SYT7: variants seen among roughly 807,000 people sequenced by gnomAD.
SYT7 encodes synaptotagmin 7.
Under a neutral mutation model 75.1 loss-of-function variants are expected in SYT7, and 29 were observed. That is an observed-to-expected ratio of 0.39 (90% confidence interval 0.29 to 0.53). The LOEUF (loss-of-function observed/expected upper bound fraction) is 0.53, where lower values mean the gene tolerates loss of function less well. Ranked by LOEUF, SYT7 falls within the 20% of genes least tolerant of loss-of-function variation. SYT7 has a pLI of 0.77. For synonymous variants in SYT7, 376 were observed against 401.7 expected (o/e 0.94, Z 0.76); for missense variants, 693 against 953.2 (o/e 0.73, Z 3.59).
At chr11:61,522,979 C>G (rs2062392726) in intron 12 of SYT7, 96 bp downstream of exon 12, 5 of 1,264,790 alleles carry the variant, frequency 4.0e-6, no homozygotes, top group Non-Finnish European at 5.7e-6. Flanking sequence ...CTCCTGGTGT[C>G]CAGCCTGTGC....
rs375289876 is a variant in SYT7, at chr11:61,533,030, C to T, written c.1159G>A (p.Val387Ile). Residue 387 changes from valine to isoleucine, a missense_variant, in exon 8 of 13, where the codon GTC (valine) becomes ATC (isoleucine). Physicochemically the swap from Val to Ile is conservative, Grantham distance 29. Around this residue, in one of 2 missense-constraint regions of SYT7, gnomAD observed 487 missense variants for 593.2 expected, o/e 0.82. Transcript: ENST00000539008. ...GTGAGGGAGTTGACGAGGTCTGAGA[C>T]GGAGGAACGTGGCTCGGTCCGGCGG... ...SDRRTEPRSS[V>I]SDLVNSLTSE... 13 of 1,613,724 alleles carry T rather than the reference C, an allele frequency of 8.1e-6. No individual in the cohort carries two copies. Among genetic ancestry groups the T allele is most frequent in the Admixed American group, 1.7e-5 (1 of 60,016 alleles).
In SYT7 at chr11:61,580,363, G is replaced by T. The variant is rs1176212253; in HGVS notation, c.31+427C>A. 6.6e-6 allele frequency among the ~76,000 whole-genome samples: 1 copy of T among 152,054 alleles called. No individual in the cohort carries two copies. Among genetic ancestry groups the T allele is most frequent in the African/African-American group, 2.4e-5 (1 of 41,416 alleles). ...GATGCCACTCCGCTCCCCTGTGCCC[G>T]CAACCTTGGCCAAGAGCTGCCGGGA... On this transcript the variant is annotated intron_variant, in intron 1 of 12. Coordinates refer to ENST00000539008, the MANE Select transcript of SYT7 (RefSeq NM_001365809.2). The surrounding 1 kb of genome is among the most constrained non-coding windows in gnomAD (Gnocchi z 6.1).
At position 61,542,500 on chromosome 11, in the gene SYT7, G is replaced by GT. The variant is rs2063073340; in HGVS notation, c.651dup (p.Pro218ThrfsTer115). ...CTCTGCTGCCGCATCAGGGTGCGGG[G>GT]TCGCTGGCATTTCGGCTCTCCCGTG... On this transcript the variant is annotated frameshift_variant, in exon 6 of 13. Coordinates refer to ENST00000539008, the MANE Select transcript of SYT7 (RefSeq NM_001365809.2). LOFTEE classifies it high-confidence loss of function. The surrounding 1 kb of genome is among the most constrained non-coding windows in gnomAD (Gnocchi z 7.8). 1 of 1,532,474 alleles carries GT rather than the reference G, an allele frequency of 6.5e-7. No individual in the cohort carries two copies. The allele number at this position is 1,532,474 out of a possible 1,614,324, so 94.9% of individuals were successfully genotyped here. A position where few individuals can be genotyped will look rare whatever the true frequency, so the allele number is the denominator to read the frequency against.
intron 8 of SYT7, among the ~76,000 whole-genome samples, 171 bp downstream of exon 8, chr11:61,532,818 C>A (rs573073837): frequency 2.1e-4 from 32 of 152,298 alleles, no homozygotes; most frequent in African/African-American, 7.0e-4. Context: ...CGCTCAGTCA[C>A]CAAGCGCCGA....
intron 6 of SYT7, among the ~76,000 whole-genome samples, chr11:61,539,356 C>T (rs542600151): frequency 1.3e-5 from 2 of 152,186 alleles, no homozygotes; most frequent in Middle Eastern, 3.4e-3. Flanking sequence ...AGGGTCTTTG[C>T]GAGGTTACCC....
intron 8 of SYT7, among the ~76,000 whole-genome samples, chr11:61,530,160 G>C (rs2062660155): frequency 6.6e-6 from 1 of 152,184 alleles, no homozygotes; most frequent in Non-Finnish European, 1.5e-5. Context: ...CGATTGAATG[G>C]CCAGTGGGAA....
Position 61,523,310 on chromosome 11 carries a change from T to C in SYT7, c.1757-36A>G. 6.3e-7 allele frequency: 1 copy of C among 1,591,332 alleles called. No homozygotes were observed. The highest frequency in any genetic ancestry group is 8.6e-7 in the Non-Finnish European group (1 of 1,159,836). On this transcript the variant is annotated intron_variant, in intron 11 of 12. Transcript: ENST00000539008. This position sits in a 1 kb window ranked among gnomAD's most constrained non-coding sequence, Gnocchi z 5.0. ...GAGTGGGGAAGGGTTAGAGGGACCG[T>C]GGGGGAGGGACTTCCTAGGATCCTT...
At chr11:61,575,216 C>T (rs1217400728) in intron 1 of SYT7, among the ~76,000 whole-genome samples, 1 of 152,124 alleles carries the variant, frequency 6.6e-6, no homozygotes, top group African/African-American at 2.4e-5. Context: ...CAGTCACCCC[C>T]CTTTCTCCTT....
intron 3 of SYT7, among the ~76,000 whole-genome samples, chr11:61,548,664 G>C (rs991394198): frequency 3.3e-5 from 5 of 152,138 alleles, no homozygotes; most frequent in Non-Finnish European, 5.9e-5. Flanking sequence ...GGTGCCAGCG[G>C]GGGCACACCC....
chr11:61,528,383 C>T (rs565203233), intron 8 of SYT7, among the ~76,000 whole-genome samples, 198 bp from the exon 9 acceptor site: 9 of 152,236 alleles, frequency 5.9e-5, no homozygotes, highest in African/African-American at 1.4e-4. Context: ...AGGGCAGAGC[C>T]GAGACAGCCC....
At chr11:61,530,962 C>A in intron 8 of SYT7, 1 of 985,430 alleles carries the variant, frequency 1.0e-6, no homozygotes, top group Non-Finnish European at 1.2e-6. Flanking sequence ...CACCCCTATA[C>A]CAGGGCAGGA....
At position 61,524,313 on chromosome 11, in the gene SYT7, C is replaced by T. The variant is rs3213449; in HGVS notation, c.1641+50G>A. The T allele has an allele frequency of 5.8e-3, 9,263 of 1,602,080 alleles. 689 individuals carry two copies. In the East Asian group the frequency reaches 0.17, roughly 30 times the overall value. Reference sequence around the variant, plus strand: ...GACAAGGGTCTGGGACCAGATCTCCCAGCCCTGCCCTGCTGCCTGTCCAGC... The same window carrying T: ...GACAAGGGTCTGGGACCAGATCTCCTAGCCCTGCCCTGCTGCCTGTCCAGC... On this transcript the variant is annotated intron_variant, in intron 10 of 12. Coordinates refer to ENST00000539008, the MANE Select transcript of SYT7 (RefSeq NM_001365809.2). This position sits in a 1 kb window ranked among gnomAD's most constrained non-coding sequence, Gnocchi z 4.1.
chr11:61,543,135 T>C (rs1236218034), intron 5 of SYT7, among the ~76,000 whole-genome samples: 2 of 152,168 alleles, frequency 1.3e-5, no homozygotes, highest in Non-Finnish European at 2.9e-5. Context: ...TTATACTTTG[T>C]CCACAGAGGC....
intron 1 of SYT7, among the ~76,000 whole-genome samples, chr11:61,572,392 TCTGAGAGACGGG>T (rs1251131515): frequency 1.3e-5 from 2 of 152,194 alleles, no homozygotes; most frequent in Non-Finnish European, 2.9e-5. Flanking sequence ...AGTGCTCCCT[TCTGAGAGACGGG>T]CTGAGAGACG....
chr11:61,574,984 C>T (rs1261469410), intron 1 of SYT7, among the ~76,000 whole-genome samples: 1 of 152,070 alleles, frequency 6.6e-6, no homozygotes, highest in Non-Finnish European at 1.5e-5. Flanking sequence ...ACCCCTCATG[C>T]CACCCTGCCC....
intron 7 of SYT7, 149 bp from the exon 8 acceptor site, chr11:61,533,273 C>T (rs1286471693): frequency 1.4e-6 from 2 of 1,414,976 alleles, no homozygotes; most frequent in Non-Finnish European, 9.2e-7. Flanking sequence ...TCCACGTGGA[C>T]ACCTGGTTTT....
upstream of SYT7, among the ~76,000 whole-genome samples, chr11:61,584,503 A>C (rs140214699): frequency 6.6e-6 from 1 of 152,332 alleles, no homozygotes; most frequent in Non-Finnish European, 1.5e-5. Context: ...CCCTTAACAG[A>C]GACGACACAT....
intron 8 of SYT7, among the ~76,000 whole-genome samples, chr11:61,529,848 G>A (rs1348668115): frequency 2.0e-5 from 3 of 152,122 alleles, no homozygotes; most frequent in Non-Finnish European, 2.9e-5. Flanking sequence ...TTGGTCAGGC[G>A]AGTCTCTAAT....
In SYT7 at chr11:61,538,270, C is replaced by A. The variant is rs2135203051; in HGVS notation, c.942-4G>T. Reference sequence around the variant, plus strand: ...TAGCACCACCATCCGGCCTTCCCTGCCCGGGGAGGGCAGCCCACAGGCCAG... The same window carrying A: ...TAGCACCACCATCCGGCCTTCCCTGACCGGGGAGGGCAGCCCACAGGCCAG... On this transcript the variant is annotated splice_region_variant and splice_polypyrimidine_tract_variant and intron_variant, in intron 6 of 12. Coordinates refer to ENST00000539008, the MANE Select transcript of SYT7 (RefSeq NM_001365809.2). 2 of 1,516,286 alleles carry A rather than the reference C, an allele frequency of 1.3e-6. No homozygotes were observed. The highest frequency in any genetic ancestry group is 1.7e-4 in the Middle Eastern group (1 of 5,866). The allele number at this position is 1,516,286 out of a possible 1,614,324, so 93.9% of individuals were successfully genotyped here. A position where few individuals can be genotyped will look rare whatever the true frequency, so the allele number is the denominator to read the frequency against.
Sources: gnomAD v4.1 joint callset for allele counts (sites outside exome capture counted in the v4.1 genomes callset) on GRCh38, gnomAD v4.1.1 for gene constraint, gnomAD v4.1.1 regional missense constraint, Gnocchi (gnomAD v3.1) non-coding constraint, MANE v1.5 for transcripts, NCBI Gene and HGNC (gene_info 2026-07-23, HGNC 2026-07-21) for gene names.